IL24: variants seen among roughly 807,000 people sequenced by gnomAD.
IL24 encodes interleukin-24.
Under a neutral mutation model 27.6 loss-of-function variants are expected in IL24, and 24 were observed. The observed-to-expected ratio is 0.87, with a 90% CI of 0.63 to 1.22. The LOEUF (loss-of-function observed/expected upper bound fraction) is 1.22, where lower values mean the gene tolerates loss of function less well. Ranked by LOEUF, IL24 falls within the 50% of genes most tolerant of loss-of-function variation. The probability of loss-of-function intolerance (pLI) is 0.00; values close to 1 mark genes in which losing one functional copy is unlikely to be tolerated. For missense variants in IL24, 240 were observed against 237.0 expected, an observed-to-expected ratio of 1.01 and a Z score of -0.08; for synonymous variants, 99 against 93.1, an observed-to-expected ratio of 1.06 and a Z score of -0.36.
At chr1:206,898,634 A>G (rs925573202) in intron 2 of IL24, among the ~76,000 whole-genome samples, 1 of 152,168 alleles carries the variant, frequency 6.6e-6, no homozygotes, top group Admixed American at 6.5e-5. Context: ...CTGGCACTTC[A>G]GAGGAAGGCT....
At position 206,899,342 on chromosome 1, in the gene IL24, G is replaced by C; in HGVS notation, c.67G>C (p.Ala23Pro). 1 of 1,614,074 alleles carries C rather than the reference G, an allele frequency of 6.2e-7. No individual in the cohort carries two copies. Among genetic ancestry groups the C allele is most frequent in the East Asian group, 2.2e-5 (1 of 44,884 alleles). The change falls in exon 3 of 7, where the codon GCG (alanine) becomes CCG (proline). Residue 23 changes from alanine to proline, a missense_variant. Ala to Pro is a conservative substitution (Grantham distance 27, BLOSUM62 -1). Transcript: ENST00000294984. ...LARPFCPPLLATASQMQMVVL... is the reference protein window; with the variant it reads ...LARPFCPPLLPTASQMQMVVL... ...CAGACCCTTCTGCCCTCCTTTGCTGGCGACAGCCTCTCAAATGCAGATGGT... is the reference window on the plus strand; with the variant it reads ...CAGACCCTTCTGCCCTCCTTTGCTGCCGACAGCCTCTCAAATGCAGATGGT...
chr1:206,900,226 A>T, intron 3 of IL24, 69 bp from the exon 4 acceptor site: 1 of 1,355,130 alleles, frequency 7.4e-7, no homozygotes, highest in Non-Finnish European at 1.1e-6. Context: ...GGGAAGCAGC[A>T]CATATTTGCA....
intron 2 of IL24, among the ~76,000 whole-genome samples, chr1:206,898,863 T>C (rs1460717671): frequency 2.0e-5 from 3 of 152,176 alleles, no homozygotes; most frequent in Non-Finnish European, 4.4e-5. Context: ...GAAAAAGACC[T>C]GCCAGCCTAT....
Position 206,899,482 on chromosome 1 carries a change from G to T in IL24, c.207G>T (p.Leu69=). 6 of 1,612,316 alleles carry T rather than the reference G, an allele frequency of 3.7e-6. No homozygotes were observed. Among genetic ancestry groups the T allele is most frequent in the Non-Finnish European group, 5.1e-6 (6 of 1,179,050 alleles). ...CQVKGVVPQK[L]WEAFWAVKDT... ...TGAAGGGGGTTGTTCCCCAGAAACT[G>T]TGGGAAGCCTTCTGGGCTGTGAAAG... is the stretch of plus-strand genomic sequence containing the variant. The change falls in exon 3 of 7, where the codon CTG becomes CTT. Residue 69 remains leucine, a synonymous_variant. Coordinates refer to ENST00000294984, the MANE Select transcript of IL24 (RefSeq NM_006850.3).
intron 4 of IL24, among the ~76,000 whole-genome samples, chr1:206,901,067 T>C (rs1678356634): frequency 6.6e-6 from 1 of 152,114 alleles, no homozygotes; most frequent in Non-Finnish European, 1.5e-5. Context: ...AAGATATTAG[T>C]TTCTCCTCAT....
chr1:206,897,549 C>T lies in IL24; in HGVS notation c.-169C>T, dbSNP rs555509372. 7.4e-6 allele frequency: 2 copies of T among 272,060 alleles called. No individual in the cohort carries two copies. Among genetic ancestry groups the T allele is most frequent in the Non-Finnish European group, 1.4e-5 (2 of 144,654 alleles). The allele number at this position is 272,060 out of a possible 1,614,324, so 16.9% of individuals were successfully genotyped here. A position where few individuals can be genotyped will look rare whatever the true frequency, so the allele number is the denominator to read the frequency against. The stretch of plus-strand genomic sequence containing the variant: ...GTGAATGGTGAAGGTGCCTGTCTAA[C>T]TTTTCTGTAAAAAGAACCAGCTGCC... On this transcript the variant is annotated 5_prime_UTR_variant, in exon 1 of 7. Transcript: ENST00000294984.
At chr1:206,897,907 C>G in intron 2 of IL24, 31 bp downstream of exon 2, 3 of 1,470,564 alleles carry the variant, frequency 2.0e-6, no homozygotes, top group Non-Finnish European at 2.8e-6. Flanking sequence ...AATCCCAGAA[C>G]TTTGGGAGGC....
chr1:206,898,939 T>C (rs1678261927), intron 2 of IL24, among the ~76,000 whole-genome samples: 1 of 152,194 alleles, frequency 6.6e-6, no homozygotes, highest in Non-Finnish European at 1.5e-5. Context: ...TTTGTTTTCC[T>C]GGGTTTGGGC....
rs1558641526 is a variant in IL24, at chr1:206,901,621, T to C, written c.431T>C (p.Phe144Ser). ...TCATTCTCTACTCTGGCCAACAACTTTGTTCTCATCGTGTCACAACTGCAA... is the reference window on the plus strand; with the variant it reads ...TCATTCTCTACTCTGGCCAACAACTCTGTTCTCATCGTGTCACAACTGCAA... Reference protein sequence around the residue: ...LKSFSTLANNFVLIVSQLQPS... With the variant: ...LKSFSTLANNSVLIVSQLQPS... The change falls in exon 5 of 7, where the codon TTT (phenylalanine) becomes TCT (serine). Residue 144 changes from phenylalanine to serine, a missense_variant. Transcript: ENST00000294984. The C allele has an allele frequency of 6.2e-7, 1 of 1,614,148 alleles. No individual in the cohort carries two copies.
Position 206,897,765 on chromosome 1 carries a change from G to A in IL24, c.-68G>A, listed in dbSNP as rs1044496803. On this transcript the variant is annotated 5_prime_UTR_variant, in exon 2 of 7. Transcript: ENST00000294984. ...ATGACTGTGATGAGGAGCTGCTTTCGCCAATTTAACACCAAGAAGAATTGA... is the reference window on the plus strand; with the variant it reads ...ATGACTGTGATGAGGAGCTGCTTTCACCAATTTAACACCAAGAAGAATTGA... 61 of 1,580,908 alleles carry A rather than the reference G, an allele frequency of 3.9e-5. No homozygotes were observed. The highest frequency in any genetic ancestry group is 2.8e-4 in the African/African-American group (21 of 74,152).
In IL24 at chr1:206,903,240, G is replaced by T; in HGVS notation, c.*181G>T. 1.7e-6 allele frequency: 1 copy of T among 587,286 alleles called. No individual in the cohort carries two copies. Among genetic ancestry groups the T allele is most frequent in the Non-Finnish European group, 3.1e-6 (1 of 326,240 alleles). 36.4% of individuals were successfully genotyped at this position (587,286 alleles called of 1,614,324 possible). A position where few individuals can be genotyped will look rare whatever the true frequency, so the allele number is the denominator to read the frequency against. On this transcript the variant is annotated 3_prime_UTR_variant, in exon 7 of 7. Transcript: ENST00000294984. ...AGCAGCGCCAGTGACAGTCAGGGAA[G>T]GTGCCTCTGGATGCTGTGAAGAGTC...
chr1:206,902,555 G>A, intron 6 of IL24: 1 of 962,552 alleles, frequency 1.0e-6, no homozygotes, highest in Non-Finnish European at 1.2e-6. Context: ...AAACATAAAT[G>A]ATTTCGATCA....
Position 206,901,521 on chromosome 1 carries a change from A to G in IL24, c.331A>G (p.Thr111Ala). ...SDAESCYLVHTLLEFYLKTVF... is the reference protein window; with the variant it reads ...SDAESCYLVHALLEFYLKTVF... Reference sequence around the variant, plus strand: ...TGCTGAGAGCTGTTACCTTGTCCACACCCTGCTGGAGTTCTACTTGAAAAC... The same window carrying G: ...TGCTGAGAGCTGTTACCTTGTCCACGCCCTGCTGGAGTTCTACTTGAAAAC... Residue 111 changes from threonine to alanine, a missense_variant, in exon 5 of 7, where the codon ACC becomes GCC. Coordinates refer to ENST00000294984, the MANE Select transcript of IL24 (RefSeq NM_006850.3). 6.2e-7 allele frequency: 1 copy of G among 1,613,788 alleles called. No homozygotes were observed. Among genetic ancestry groups the G allele is most frequent in the South Asian group, 1.1e-5 (1 of 91,044 alleles).
At chr1:206,899,564 G>C (rs1376076667) in intron 3 of IL24, 49 bp downstream of exon 3, 1 of 1,430,048 alleles carries the variant, frequency 7.0e-7, no homozygotes, top group Non-Finnish European at 9.4e-7. Context: ...CCTGGGGGCA[G>C]TGGGCCAGTG....
At chr1:206,899,823 C>G (rs889944708) in intron 3 of IL24, among the ~76,000 whole-genome samples, 7 of 152,060 alleles carry the variant, frequency 4.6e-5, no homozygotes, top group Non-Finnish European at 1.0e-4. Flanking sequence ...AATCTGAGAA[C>G]TGGAATGAGT....
rs1257719562 is a variant in IL24, at chr1:206,902,103, C to T, written c.537+31C>T. 5 of 1,613,390 alleles carry T rather than the reference C, an allele frequency of 3.1e-6. No homozygotes were observed. In the African/African-American group the frequency reaches 6.7e-5, roughly 22 times the overall value. On this transcript the variant is annotated intron_variant, in intron 6 of 6. Coordinates refer to ENST00000294984, the MANE Select transcript of IL24 (RefSeq NM_006850.3). Reference sequence around the variant, plus strand: ...GCCAAGAGCTGAGAGCTTGCCCATCCAGCAGAATAGACTAGTCTGCACCAT... The same window carrying T: ...GCCAAGAGCTGAGAGCTTGCCCATCTAGCAGAATAGACTAGTCTGCACCAT...
Position 206,899,372 on chromosome 1 carries a change from C to T in IL24, c.97C>T (p.Leu33Phe), listed in dbSNP as rs1678286769. 10 of 1,614,102 alleles carry T rather than the reference C, an allele frequency of 6.2e-6. No homozygotes were observed. Among genetic ancestry groups the T allele is most frequent in the Middle Eastern group, 1.6e-4 (1 of 6,080 alleles). ...AGCCTCTCAAATGCAGATGGTTGTG[C>T]TCCCTTGCCTGGGTTTTACCCTGCT... Reference protein sequence around the residue: ...ATASQMQMVVLPCLGFTLLLW... With the variant: ...ATASQMQMVVFPCLGFTLLLW... Residue 33 changes from leucine to phenylalanine, a missense_variant, in exon 3 of 7, where the codon CTC becomes TTC. Physicochemically the swap from Leu to Phe is conservative, Grantham distance 22. Coordinates refer to ENST00000294984, the MANE Select transcript of IL24 (RefSeq NM_006850.3).
At chr1:206,901,976 C>T in intron 5 of IL24, 22 bp from the exon 6 acceptor site, 1 of 1,612,610 alleles carries the variant, frequency 6.2e-7, no homozygotes, top group Non-Finnish European at 8.5e-7. Context: ...ATTGGCACAA[C>T]TTCTTTTCCC....
Position 206,903,193 on chromosome 1 carries a change from T to C in IL24, c.*134T>C, listed in dbSNP as rs956352280. The C allele has an allele frequency of 1.7e-5, 13 of 745,758 alleles. No homozygotes were observed. Among genetic ancestry groups the C allele is most frequent in the Non-Finnish European group, 3.0e-5 (13 of 431,326 alleles). 46.2% of individuals were successfully genotyped at this position (745,758 alleles called of 1,614,324 possible). Reference sequence around the variant, plus strand: ...GGGTCCCATTCTTGGCCCAGGATTATTGTCAAAGAAGTCATTCTTTAAGCA... The same window carrying C: ...GGGTCCCATTCTTGGCCCAGGATTACTGTCAAAGAAGTCATTCTTTAAGCA... On this transcript the variant is annotated 3_prime_UTR_variant, in exon 7 of 7. Transcript: ENST00000294984.
Sources: gnomAD v4.1 joint callset for allele counts (sites outside exome capture counted in the v4.1 genomes callset) on GRCh38, gnomAD v4.1.1 for gene constraint, MANE v1.5 for transcripts, NCBI Gene and HGNC (gene_info 2026-07-23, HGNC 2026-07-21) for gene names.